The following ZIK1 variants were observed in gnomAD, a reference collection of about 807,000 sequenced individuals.
ZIK1 encodes the protein zinc finger protein interacting with ribonucleoprotein K.
In ZIK1, 12 loss-of-function variants were observed where a neutral mutation model predicts 10.7. The observed-to-expected ratio is 1.12, with a 90% CI of 0.72 to 1.81. The LOEUF (loss-of-function observed/expected upper bound fraction) is 1.81. Among genes scored for constraint, ZIK1 ranks in the 40% most tolerant of loss-of-function variants. ZIK1 has a pLI of 0.00. For synonymous variants in ZIK1, 190 were observed against 205.0 expected (o/e 0.93, Z 0.63); for missense variants, 497 against 585.7 (o/e 0.85, Z 1.56).
rs777029132 is a variant in ZIK1 at position 57,588,519 on chromosome 19, A to C, written c.73-20A>C. On this transcript the variant is annotated intron_variant, in intron 2 of 3. Transcript: ENST00000597850. ...TTGTGGAGGCGTTGATTGTGGAGTG[A>C]CCTGTCCCCATCATGACAGGGCTGT... 10 of 1,450,242 alleles carry C rather than the reference A, an allele frequency of 6.9e-6. No individual in the cohort carries two copies. Among genetic ancestry groups the C allele is most frequent in the Non-Finnish European group, 9.2e-6 (10 of 1,089,778 alleles). 89.8% of individuals were successfully genotyped at this position (1,450,242 alleles called of 1,614,324 possible).
intron 1 of ZIK1, 83 bp downstream of exon 1, chr19:57,584,472 C>G: frequency 6.6e-7 from 1 of 1,526,198 alleles, no homozygotes; most frequent in Non-Finnish European, 8.8e-7. Flanking sequence ...TCCTCATGTC[C>G]AGTACAGTGG....
rs184741612 is a variant in ZIK1, at chr19:57,589,934, G to A, written c.200-77G>A. 65 of 1,490,290 alleles carry A rather than the reference G, an allele frequency of 4.4e-5. No individual in the cohort carries two copies. The Admixed American group carries it at 8.1e-4, about 19-fold the overall frequency. The allele number at this position is 1,490,290 out of a possible 1,614,324, so 92.3% of individuals were successfully genotyped here. Reference sequence around the variant, plus strand: ...TCAAAACAAACCTGGTGAATCATTCGTTTGGTATGTGTGTAATGGGGCTTC... The same window carrying A: ...TCAAAACAAACCTGGTGAATCATTCATTTGGTATGTGTGTAATGGGGCTTC... On this transcript the variant is annotated intron_variant, in intron 3 of 3. Coordinates refer to ENST00000597850, the MANE Select transcript of ZIK1 (RefSeq NM_001010879.4).
intron 2 of ZIK1, among the ~76,000 whole-genome samples, chr19:57,586,949 T>A (rs1458033060): frequency 6.6e-6 from 1 of 152,170 alleles, no homozygotes; most frequent in Non-Finnish European, 1.5e-5. Context: ...GGAGACTAGA[T>A]AATTTGTAAG....
chr19:57,587,565 G>C (rs1979279463), intron 2 of ZIK1, among the ~76,000 whole-genome samples: 1 of 152,156 alleles, frequency 6.6e-6, no homozygotes, highest in African/African-American at 2.4e-5. Flanking sequence ...CTGCAACCTG[G>C]AAAGAGTCCC....
At chr19:57,589,954 G>C (rs754454921) in intron 3 of ZIK1, 57 bp from the exon 4 acceptor site, 50 of 1,557,064 alleles carry the variant, frequency 3.2e-5, no homozygotes, top group Non-Finnish European at 2.9e-5. Flanking sequence ...TGTGTAATGG[G>C]GCTTCTTGCT....
At position 57,591,539 on chromosome 19, in the gene ZIK1, C is replaced by A; in HGVS notation, c.*264C>A. The A allele has an allele frequency of 2.1e-6, 1 of 465,476 alleles. No individual in the cohort carries two copies. Among genetic ancestry groups the A allele is most frequent in the Non-Finnish European group, 3.8e-6 (1 of 263,694 alleles). 28.8% of individuals were successfully genotyped at this position (465,476 alleles called of 1,614,324 possible). On this transcript the variant is annotated 3_prime_UTR_variant, in exon 4 of 4. Coordinates refer to ENST00000597850, the MANE Select transcript of ZIK1 (RefSeq NM_001010879.4). Reference sequence around the variant, plus strand: ...GTCACTCCTATGTGCTAAGACAAGGCAGACATCTGTGTGTTCTCTTAAGTC... The same window carrying A: ...GTCACTCCTATGTGCTAAGACAAGGAAGACATCTGTGTGTTCTCTTAAGTC...
At chr19:57,586,934 G>A (rs565289334) in intron 2 of ZIK1, among the ~76,000 whole-genome samples, 1 of 152,300 alleles carries the variant, frequency 6.6e-6, no homozygotes, top group Non-Finnish European at 1.5e-5. Context: ...TGATAAAGAT[G>A]TGCTGGAGAC....
At position 57,592,518 on chromosome 19, in the gene ZIK1, A is replaced by T. The variant is rs1405097930; in HGVS notation, c.*1243A>T. Reference sequence around the variant, plus strand: ...GTTCACCTCAAGTGCATTGCTGTAGAGGCAGAAAAAGGAGGATAAAGATAA... The same window carrying T: ...GTTCACCTCAAGTGCATTGCTGTAGTGGCAGAAAAAGGAGGATAAAGATAA... On this transcript the variant is annotated 3_prime_UTR_variant, in exon 4 of 4. Coordinates refer to ENST00000597850, the MANE Select transcript of ZIK1 (RefSeq NM_001010879.4). The T allele has an allele frequency of 1.3e-5, 2 of 152,194 alleles. No individual in the cohort carries two copies. Among genetic ancestry groups the T allele is most frequent in the Non-Finnish European group, 2.9e-5 (2 of 68,030 alleles). 9.4% of individuals were successfully genotyped at this position (152,194 alleles called of 1,614,324 possible). A position where few individuals can be genotyped will look rare whatever the true frequency, so the allele number is the denominator to read the frequency against.
rs371384136 is a variant in ZIK1, at chr19:57,590,267, C to G, written c.456C>G (p.Ala152=). ...CCTTGAAGAGGGACATGGACAGAGC[C>G]TCATATGTGAAGTGCTGCCTATTCT... ...KKSLKRDMDR[A]SYVKCCLFCM... The change falls in exon 4 of 4, where the codon GCC becomes GCG. Residue 152 remains alanine (A), a synonymous_variant. Coordinates refer to ENST00000597850, the MANE Select transcript of ZIK1 (RefSeq NM_001010879.4). The G allele has an allele frequency of 2.4e-5, 39 of 1,614,224 alleles. No individual in the cohort carries two copies. The highest frequency in any genetic ancestry group is 3.3e-5 in the Non-Finnish European group (39 of 1,180,046).
In ZIK1 at chr19:57,588,652, T is replaced by C. The variant is rs143293662; in HGVS notation, c.186T>C (p.Leu62=). ...YLEVMLENFA[L]VASLGCGHGT... ...AAGTGATGCTGGAGAACTTTGCCCT[T>C]GTAGCCTCACTGGGTAAGGCCCTAA... Residue 62 remains leucine, a synonymous_variant, in exon 3 of 4, where the codon CTT becomes CTC. Coordinates refer to ENST00000597850, the MANE Select transcript of ZIK1 (RefSeq NM_001010879.4). The C allele has an allele frequency of 4.2e-5, 66 of 1,569,644 alleles. No individual in the cohort carries two copies. The African/African-American group carries it at 7.4e-4, about 18-fold the overall frequency.
rs571192036 is a variant in ZIK1, at chr19:57,590,774, G to A, written c.963G>A (p.Arg321=). 12 of 1,614,202 alleles carry A rather than the reference G, an allele frequency of 7.4e-6. No homozygotes were observed. The Admixed American group carries it at 1.0e-4, about 13-fold the overall frequency. ...ACCAGAAAATACACACTGGAGCAAG[G>A]CCTTATGAGTGTAGCCAGTGTGGGA... ...VDHQKIHTGA[R]PYECSQCGKS... The change falls in exon 4 of 4, where the codon AGG becomes AGA. Residue 321 remains arginine, a synonymous_variant. Coordinates refer to ENST00000597850, the MANE Select transcript of ZIK1 (RefSeq NM_001010879.4).
intron 3 of ZIK1, 56 bp downstream of exon 3, chr19:57,588,721 T>G (rs1204662349): frequency 7.3e-7 from 1 of 1,379,078 alleles, no homozygotes; most frequent in Non-Finnish European, 9.5e-7. Context: ...TTTTGCTGAC[T>G]TCTCCACTTT....
intron 2 of ZIK1, 110 bp from the exon 3 acceptor site, chr19:57,588,429 T>G: frequency 8.3e-7 from 1 of 1,211,152 alleles, no homozygotes; most frequent in Non-Finnish European, 1.1e-6. Context: ...GAAAAGAGAG[T>G]GGGCATCTGT....
intron 2 of ZIK1, among the ~76,000 whole-genome samples, chr19:57,586,190 T>C (rs989385354): frequency 2.0e-5 from 3 of 152,174 alleles, no homozygotes; most frequent in Non-Finnish European, 4.4e-5. Flanking sequence ...CAAAAGGTGG[T>C]GGCCAGTGTT....
chr19:57,591,358 T>A lies in ZIK1; in HGVS notation c.*83T>A. The A allele has an allele frequency of 7.3e-7, 1 of 1,373,200 alleles. No homozygotes were observed. The highest frequency in any genetic ancestry group is 9.9e-7 in the Non-Finnish European group (1 of 1,005,606). 85.1% of individuals were successfully genotyped at this position (1,373,200 alleles called of 1,614,324 possible). A position where few individuals can be genotyped will look rare whatever the true frequency, so the allele number is the denominator to read the frequency against. On this transcript the variant is annotated 3_prime_UTR_variant, in exon 4 of 4. Transcript: ENST00000597850. ...TAGCTCCTGAAAGTCCACACTTAAG[T>A]AGAGCCTTAGACCTACAGGGAAAGT... is the stretch of plus-strand genomic sequence containing the variant.
rs1042525351 is a variant in ZIK1 at position 57,592,457 on chromosome 19, G to A, written c.*1182G>A. The A allele has an allele frequency of 6.6e-6, 1 of 152,134 alleles. No individual in the cohort carries two copies. Among genetic ancestry groups the A allele is most frequent in the Non-Finnish European group, 1.5e-5 (1 of 68,024 alleles). The allele number at this position is 152,134 out of a possible 1,614,324, so 9.4% of individuals were successfully genotyped here. ...TTATTTTCAGCAAAAATAATTAAAG[G>A]GTTTTATTTTTTAATTCTTGTTGGT... On this transcript the variant is annotated 3_prime_UTR_variant, in exon 4 of 4. Coordinates refer to ENST00000597850, the MANE Select transcript of ZIK1 (RefSeq NM_001010879.4).
chr19:57,586,652 A>T (rs1263249445), intron 2 of ZIK1, among the ~76,000 whole-genome samples: 2 of 152,204 alleles, frequency 1.3e-5, no homozygotes, highest in African/African-American at 4.8e-5. Flanking sequence ...GAGCATCACA[A>T]ACAGTTGTGA....
chr19:57,584,182 A>G lies in ZIK1; in HGVS notation c.-175A>G, dbSNP rs1978914510. On this transcript the variant is annotated 5_prime_UTR_variant, in exon 1 of 4. Transcript: ENST00000597850. ...TTTTGCAGCGCTTGGGTGCATCCAG[A>G]CCGTCAGAGCTTTGGGAGCGCTTTG... 6.3e-6 allele frequency: 8 copies of G among 1,270,438 alleles called. No individual in the cohort carries two copies. Among genetic ancestry groups the G allele is most frequent in the Non-Finnish European group, 8.4e-6 (8 of 950,650 alleles). 78.7% of individuals were successfully genotyped at this position (1,270,438 alleles called of 1,614,324 possible). A position where few individuals can be genotyped will look rare whatever the true frequency, so the allele number is the denominator to read the frequency against.
chr19:57,590,052 C>A lies in ZIK1; in HGVS notation c.241C>A (p.Gln81Lys). Residue 81 changes from glutamine to lysine, a missense_variant, in exon 4 of 4, where the codon CAG becomes AAG. Gln to Lys is a moderately conservative substitution (Grantham distance 53). Coordinates refer to ENST00000597850, the MANE Select transcript of ZIK1 (RefSeq NM_001010879.4). The part of the protein sequence containing the change: ...GTEDEETPSD[Q>K]NVSVGVSQSK... ...AGAGGATGAAGAGACACCTTCTGAC[C>A]AGAATGTTTCTGTAGGAGTGTCACA... 1 of 1,614,116 alleles carries A rather than the reference C, an allele frequency of 6.2e-7. No individual in the cohort carries two copies.
Sources: gnomAD v4.1 joint callset for allele counts (sites outside exome capture counted in the v4.1 genomes callset) on GRCh38, gnomAD v4.1.1 for gene constraint, MANE v1.5 for transcripts, NCBI Gene and HGNC (gene_info 2026-07-23, HGNC 2026-07-21) for gene names.